The following TAF1B variants were observed in gnomAD, a reference collection of about 807,000 sequenced individuals.
TAF1B encodes the protein TATA-box binding protein associated factor, RNA polymerase I subunit B, also known as TATA box-binding protein-associated factor RNA polymerase I subunit B.
In TAF1B, 61 loss-of-function variants were observed where a neutral mutation model predicts 83.9. That is an observed-to-expected ratio of 0.73 (90% CI 0.59 to 0.90). The LOEUF (loss-of-function observed/expected upper bound fraction) is 0.90, where lower values mean the gene tolerates loss of function less well. Ranked by LOEUF, TAF1B falls within the 40% of genes least tolerant of loss-of-function variation. The pLI is 0.00. For missense variants in TAF1B, 625 were observed against 677.0 expected, an observed-to-expected ratio of 0.92 and a Z score of 0.85; for synonymous variants, 221 against 224.6, an observed-to-expected ratio of 0.98 and a Z score of 0.14.
At chr2:9,929,810 G>A (rs575292592) in intron 14 of TAF1B, among the ~76,000 whole-genome samples, 2 of 152,170 alleles carry the variant, frequency 1.3e-5, no homozygotes, top group South Asian at 4.2e-4. Context: ...GAATCCGTCT[G>A]GTCCTGGACT....
At chr2:9,933,462 G>A (rs1484319988) in intron 14 of TAF1B, among the ~76,000 whole-genome samples, 24 of 152,174 alleles carry the variant, frequency 1.6e-4, no homozygotes, top group African/African-American at 5.6e-4. Context: ...CTCTCCCTGT[G>A]TGCTTTTGTT....
chr2:9,923,896 A>G (rs1665957351), intron 14 of TAF1B, among the ~76,000 whole-genome samples: 1 of 152,200 alleles, frequency 6.6e-6, no homozygotes, highest in South Asian at 2.1e-4. Context: ...ATGGTGTGCC[A>G]TGCCCTGCCT....
At chr2:9,870,904 C>T (rs1357826504) in intron 6 of TAF1B, among the ~76,000 whole-genome samples, 1 of 152,120 alleles carries the variant, frequency 6.6e-6, no homozygotes. Context: ...TATTACTAAT[C>T]CATAATTTAT....
At chr2:9,868,567 T>C in intron 6 of TAF1B, 138 bp downstream of exon 6, 1 of 1,201,120 alleles carries the variant, frequency 8.3e-7, no homozygotes, top group East Asian at 2.6e-5. Context: ...AATGACTTGC[T>C]GAATCATATG....
rs561010924 is a variant in TAF1B at position 9,879,990 on chromosome 2, A to G, written c.708-2716A>G. Among the ~76,000 whole-genome samples, 16 of 152,236 alleles carry G rather than the reference A, an allele frequency of 1.1e-4. No individual in the cohort carries two copies. The East Asian group carries it at 2.9e-3, about 28-fold the overall frequency. ...GAGATACGATCTGATTGATGTTTTT[A>G]AAAGATCATTCAGGCAGCTGTGGAA... On this transcript the variant is annotated intron_variant, in intron 7 of 14. Coordinates refer to ENST00000263663, the MANE Select transcript of TAF1B (RefSeq NM_005680.3).
chr2:9,917,941 G>A (rs1572283852), intron 12 of TAF1B, among the ~76,000 whole-genome samples: 1 of 151,364 alleles, frequency 6.6e-6, no homozygotes, highest in South Asian at 2.1e-4. Context: ...GCGTAGTGGC[G>A]GGCGCCTGTA....
intron 14 of TAF1B, among the ~76,000 whole-genome samples, chr2:9,924,141 T>C (rs1404358994): frequency 2.6e-5 from 4 of 152,212 alleles, no homozygotes; most frequent in Admixed American, 2.6e-4. Flanking sequence ...ACCATGACTT[T>C]AGGCACCAAA....
intron 12 of TAF1B, 94 bp downstream of exon 12, chr2:9,913,343 C>A (rs778261552): frequency 1.0e-6 from 1 of 967,896 alleles, no homozygotes; most frequent in Non-Finnish European, 1.6e-6. Flanking sequence ...ATACACTTAT[C>A]TACATTGTGA....
chr2:9,891,771 AT>A (rs1176855363), intron 8 of TAF1B, among the ~76,000 whole-genome samples: 10 of 152,198 alleles, frequency 6.6e-5, no homozygotes, highest in Admixed American at 6.5e-4. Context: ...AAAAATAAAA[AT>A]TTTAAAAATA....
intron 1 of TAF1B, among the ~76,000 whole-genome samples, chr2:9,844,827 T>C (rs1663149255): frequency 6.6e-6 from 1 of 152,186 alleles, no homozygotes. Context: ...ACAAATCTAG[T>C]TCCTCTGTGG....
At chr2:9,930,652 G>A (rs575338314) in intron 14 of TAF1B, among the ~76,000 whole-genome samples, 60 of 152,028 alleles carry the variant, frequency 3.9e-4, no homozygotes, top group Admixed American at 9.2e-4. Context: ...TTGATTTGGG[G>A]TGGAGAGTTC....
chr2:9,932,609 G>A (rs1666249418), intron 14 of TAF1B, among the ~76,000 whole-genome samples: 1 of 152,222 alleles, frequency 6.6e-6, no homozygotes, highest in South Asian at 2.1e-4. Flanking sequence ...GTGTCTCCCA[G>A]TTAGGCTGCA....
At chr2:9,863,139 G>A (rs1663836219) in intron 5 of TAF1B, among the ~76,000 whole-genome samples, 1 of 152,150 alleles carries the variant, frequency 6.6e-6, no homozygotes, top group Non-Finnish European at 1.5e-5. Flanking sequence ...CCAATTAAAA[G>A]ACACAGACTG....
intron 8 of TAF1B, among the ~76,000 whole-genome samples, chr2:9,901,983 T>C (rs1315415252): frequency 6.6e-6 from 1 of 152,152 alleles, no homozygotes; most frequent in Non-Finnish European, 1.5e-5. Flanking sequence ...ATGTTGATAA[T>C]ATAACATAAA....
intron 12 of TAF1B, among the ~76,000 whole-genome samples, chr2:9,917,588 T>C (rs1665720565): frequency 6.6e-6 from 1 of 152,236 alleles, no homozygotes; most frequent in Non-Finnish European, 1.5e-5. Context: ...CCTGTGAAAG[T>C]AGAGGATAAG....
chr2:9,888,800 T>TTG (rs1558251740), intron 8 of TAF1B, among the ~76,000 whole-genome samples: 5 of 141,660 alleles, frequency 3.5e-5, no homozygotes, highest in Non-Finnish European at 7.6e-5. Context: ...GTTTTTTTTT[T>TTG]TTTTTTTTTT....
intron 8 of TAF1B, among the ~76,000 whole-genome samples, 187 bp downstream of exon 8, chr2:9,882,992 C>G (rs889072008): frequency 6.6e-6 from 1 of 152,078 alleles, no homozygotes; most frequent in African/African-American, 2.4e-5. Context: ...TCCTCTAATC[C>G]TTTAGGTTAT....
chr2:9,879,004 A>G (rs1486086653), intron 7 of TAF1B, among the ~76,000 whole-genome samples: 1 of 152,238 alleles, frequency 6.6e-6, no homozygotes, highest in Non-Finnish European at 1.5e-5. Context: ...TGCACCTTAA[A>G]TGAAAATAGA....
chr2:9,929,142 TTTGTTG>T (rs70948857), intron 14 of TAF1B, among the ~76,000 whole-genome samples: 15 of 151,028 alleles, frequency 9.9e-5, no homozygotes, highest in South Asian at 4.2e-4. Flanking sequence ...ATTGGTTCTG[TTTGTTG>T]TTGTTGTTGT....
Sources: gnomAD v4.1 joint callset for allele counts (sites outside exome capture counted in the v4.1 genomes callset) on GRCh38, gnomAD v4.1.1 for gene constraint, MANE v1.5 for transcripts, NCBI Gene and HGNC (gene_info 2026-07-23, HGNC 2026-07-21) for gene names.